The following SPOCD1 variants were observed in gnomAD, a reference collection of about 807,000 sequenced individuals.
The protein encoded by SPOCD1 is SPOC domain containing 1.
In SPOCD1, 64 loss-of-function variants were observed where a neutral mutation model predicts 92.2. The ratio of observed to expected loss-of-function variants is 0.69; its 90% CI spans 0.57 to 0.86. SPOCD1 has a LOEUF of 0.86. Ranked by LOEUF, SPOCD1 falls within the 40% of genes least tolerant of loss-of-function variation. The probability of loss-of-function intolerance (pLI) is 0.00; values close to 1 mark genes in which losing one functional copy is unlikely to be tolerated. For missense variants in SPOCD1, 1,360 were observed against 1,543.1 expected, an observed-to-expected ratio of 0.88 and a Z score of 1.99; for synonymous variants, 578 against 619.3, an observed-to-expected ratio of 0.93 and a Z score of 0.99.
intron 2 of SPOCD1, 129 bp downstream of exon 2, chr1:31,813,822 A>T: frequency 1.3e-6 from 1 of 787,940 alleles, no homozygotes; most frequent in South Asian, 3.7e-5. Context: ...TACCCAGTTT[A>T]GTTAATAGGG....
chr1:31,802,004 C>T (rs1211752994), intron 2 of SPOCD1, among the ~76,000 whole-genome samples: 1 of 152,138 alleles, frequency 6.6e-6, no homozygotes, highest in Non-Finnish European at 1.5e-5. Flanking sequence ...CCCGTCTCTA[C>T]TAAAAATACA....
At chr1:31,796,779 G>A in intron 9 of SPOCD1, 64 bp from the exon 10 acceptor site, 1 of 1,608,818 alleles carries the variant, frequency 6.2e-7, no homozygotes, top group African/African-American at 1.3e-5. Flanking sequence ...AAAAGCCCAA[G>A]TGCTCACTTT....
chr1:31,809,602 A>G (rs947461749), intron 2 of SPOCD1, among the ~76,000 whole-genome samples: 1 of 152,138 alleles, frequency 6.6e-6, no homozygotes, highest in African/African-American at 2.4e-5. Context: ...TATTCATGCA[A>G]TGGGGATACT....
Position 31,798,106 on chromosome 1 carries a change from T to TCCTA in SPOCD1, c.2145+100_2145+101insTAGG. On this transcript the variant is annotated intron_variant, in intron 9 of 15. Transcript: ENST00000360482. The surrounding 1 kb of genome is among the most constrained non-coding windows in gnomAD (Gnocchi z 4.1). Reference sequence around the variant, plus strand: ...CCTTGTTTCTGTCTTTCTGAATTCCTCCTCCCTCCCTCCCTGTCTCTGTCT... The same window carrying TCCTA: ...CCTTGTTTCTGTCTTTCTGAATTCCTCCTACCTCCCTCCCTCCCTGTCTCTGTCT... The TCCTA allele has an allele frequency of 1.1e-6, 1 of 878,862 alleles. No homozygotes were observed. 54.4% of individuals were successfully genotyped at this position (878,862 alleles called of 1,614,324 possible).
intron 2 of SPOCD1, among the ~76,000 whole-genome samples, chr1:31,809,682 A>ATCTCATC (rs1401784834): frequency 1.3e-5 from 2 of 152,204 alleles, no homozygotes; most frequent in Non-Finnish European, 2.9e-5. Flanking sequence ...CAGTTTTCTC[A>ATCTCATC]TCAGTAGCAT....
chr1:31,815,101 ACCTCAGCAGCACCTG>A lies in SPOCD1; in HGVS notation c.218_232del (p.Ala73_Glu77del). On this transcript the variant is annotated inframe_deletion, in exon 2 of 16. Transcript: ENST00000360482. ...TAGCAGCTCCAAGACCCCTGGCCGG[ACCTCAGCAGCACCTG>A]CAGCCCGGGAGCTGCCACCTCGAAG... 6.2e-7 allele frequency: 1 copy of A among 1,612,502 alleles called. No individual in the cohort carries two copies. The highest frequency in any genetic ancestry group is 8.5e-7 in the Non-Finnish European group (1 of 1,179,094).
In SPOCD1 at chr1:31,800,537, C is replaced by T; in HGVS notation, c.1506G>A (p.Glu502=). 1.2e-6 allele frequency: 2 copies of T among 1,612,404 alleles called. No homozygotes were observed. Among genetic ancestry groups the T allele is most frequent in the Non-Finnish European group, 8.5e-7 (1 of 1,179,436 alleles). The part of the protein sequence containing the change: ...QAGGQLPPKL[E]VLEDLMEVSS... ...TGACCTCCATCAAGTCCTCTAGAAC[C>T]TCCAGCTTTGGTGGCAGCTGCCCCC... Residue 502 remains glutamate (E), a synonymous_variant, in exon 4 of 16, where the codon GAG becomes GAA. Transcript: ENST00000360482.
chr1:31,799,361 G>A (rs774712519), intron 7 of SPOCD1, 40 bp downstream of exon 7: 82 of 1,550,080 alleles, frequency 5.3e-5, no homozygotes, highest in South Asian at 7.0e-5. Context: ...ATGTGAGGGC[G>A]GCCCTTGGGA....
chr1:31,793,700 C>T (rs1452857020), intron 12 of SPOCD1, 47 bp downstream of exon 12: 3 of 1,612,238 alleles, frequency 1.9e-6, no homozygotes, highest in Non-Finnish European at 2.5e-6. Context: ...GGTGGCCTCC[C>T]CCTCAACCCT....
chr1:31,796,784 C>T, intron 9 of SPOCD1, 69 bp from the exon 10 acceptor site: 1 of 1,605,038 alleles, frequency 6.2e-7, no homozygotes, highest in East Asian at 2.2e-5. Context: ...CCCAAGTGCT[C>T]ACTTTCCTCC....
At chr1:31,807,114 G>A (rs985519030) in intron 2 of SPOCD1, among the ~76,000 whole-genome samples, 2 of 151,176 alleles carry the variant, frequency 1.3e-5, no homozygotes, top group African/African-American at 2.4e-5. Context: ...TTAGCCAGGC[G>A]TGGTGGCTCA....
At chr1:31,811,389 CA>C (rs1348686381) in intron 2 of SPOCD1, among the ~76,000 whole-genome samples, 1 of 151,230 alleles carries the variant, frequency 6.6e-6, no homozygotes, top group Non-Finnish European at 1.5e-5. Context: ...AACCAGGAGG[CA>C]AAGGTTGTGG....
At chr1:31,795,069 A>C (rs1300666531) in intron 10 of SPOCD1, 1 of 152,240 alleles carries the variant, frequency 6.6e-6, no homozygotes, top group Non-Finnish European at 1.5e-5. Flanking sequence ...TGCAGAAAGT[A>C]GTTTCCTAAA....
At chr1:31,797,006 G>A (rs1045120828) in intron 9 of SPOCD1, among the ~76,000 whole-genome samples, 1 of 152,122 alleles carries the variant, frequency 6.6e-6, no homozygotes. Context: ...TTCTGGGAAG[G>A]GTGTGGTGTT....
intron 2 of SPOCD1, among the ~76,000 whole-genome samples, chr1:31,806,200 C>A (rs1205283957): frequency 6.7e-6 from 1 of 148,232 alleles, no homozygotes; most frequent in African/African-American, 2.4e-5. Context: ...ATAAATAAAG[C>A]TGACAAAATA....
chr1:31,800,634 A>T lies in SPOCD1; in HGVS notation c.1426-17T>A. ...GGAACCCAGCTGCGGGGGAGATCGC[A>T]CTTCAGAAGCAAGCGGGGCCAGCCG... is the stretch of plus-strand genomic sequence containing the variant. On this transcript the variant is annotated splice_polypyrimidine_tract_variant and intron_variant, in intron 3 of 15. Transcript: ENST00000360482. The T allele has an allele frequency of 6.3e-7, 1 of 1,582,796 alleles. No homozygotes were observed. Among genetic ancestry groups the T allele is most frequent in the Non-Finnish European group, 8.6e-7 (1 of 1,160,350 alleles).
At chr1:31,805,635 G>A (rs1237769994) in intron 2 of SPOCD1, among the ~76,000 whole-genome samples, 1 of 151,858 alleles carries the variant, frequency 6.6e-6, no homozygotes, top group Non-Finnish European at 1.5e-5. Context: ...GGCTGAGGTG[G>A]GAGAATTGTG....
chr1:31,790,811 G>A lies in SPOCD1; in HGVS notation c.3443C>T (p.Ala1148Val). The change falls in exon 16 of 16, where the codon GCC (alanine) becomes GTC (valine). Residue 1148 changes from alanine (A) to valine (V), a missense_variant. This residue lies in a region of SPOCD1 where 614 missense variants were observed against 757.8 expected (regional missense o/e 0.81). Transcript: ENST00000360482. The part of the protein sequence containing the change: ...HFHRDSCPHQ[A>V]LLRHLESLAT... ...CAGGGATTCGAGGTGCCGGAGCAGG[G>A]CTTGGTGGGGACAGGAGTCCCTGTG... The A allele has an allele frequency of 1.3e-6, 2 of 1,542,772 alleles. No individual in the cohort carries two copies. Among genetic ancestry groups the A allele is most frequent in the Non-Finnish European group, 1.7e-6 (2 of 1,142,860 alleles).
intron 2 of SPOCD1, among the ~76,000 whole-genome samples, chr1:31,811,432 T>C (rs1314492950): frequency 2.6e-5 from 4 of 151,284 alleles, no homozygotes. Context: ...CACTCCAGCC[T>C]GGGTGACAGG....
Sources: allele counts gnomAD v4.1 joint callset (sites outside exome capture counted in the v4.1 genomes callset), GRCh38; gene constraint gnomAD v4.1.1; regional missense constraint gnomAD v4.1.1; non-coding constraint Gnocchi (gnomAD v3.1); transcripts MANE v1.5; gene names NCBI Gene and HGNC (gene_info 2026-07-23, HGNC 2026-07-21).